Variants in PASD1 observed in about 807,000 individuals in gnomAD.
PASD1 encodes the protein circadian clock protein PASD1.
Under a neutral mutation model 58.8 loss-of-function variants are expected in PASD1, and 13 were observed. The observed-to-expected ratio is 0.22, with a 90% CI of 0.14 to 0.35. The LOEUF (loss-of-function observed/expected upper bound fraction) is 0.35, where lower values mean the gene tolerates loss of function less well. PASD1 is among the 10% of genes least tolerant of loss of function. PASD1 has a pLI of 1.00. For missense variants in PASD1, 734 were observed against 568.3 expected, an observed-to-expected ratio of 1.29 and a Z score of -2.96; for synonymous variants, 236 against 216.7, an observed-to-expected ratio of 1.09 and a Z score of -0.78.
chrX:151,620,860 G>A (rs756893429), intron 4 of PASD1, 70 bp from the exon 5 acceptor site: 6,973 of 622,878 alleles, frequency 0.011, 49 homozygotes, highest in Middle Eastern at 0.031. Flanking sequence ...TATTAACACA[G>A]ATAAAAAAGT....
chrX:151,574,921 G>A (rs1320819324), intron 1 of PASD1, among the ~76,000 whole-genome samples: 1 of 111,763 alleles, frequency 8.9e-6, no homozygotes, highest in Admixed American at 9.5e-5. Context: ...CAAAGTGTTG[G>A]GATTACAGGT....
At chrX:151,592,719 C>T (rs1445601471) in intron 1 of PASD1, among the ~76,000 whole-genome samples, 1 of 111,268 alleles carries the variant, frequency 9.0e-6, no homozygotes, top group Non-Finnish European at 1.9e-5. Context: ...CTAATTTAAT[C>T]CTGTTGTGGT....
intron 6 of PASD1, among the ~76,000 whole-genome samples, chrX:151,622,707 G>A (rs1450070323): frequency 2.7e-5 from 3 of 110,072 alleles, no homozygotes; most frequent in Non-Finnish European, 5.7e-5. Context: ...GGGTAATAAC[G>A]GAAGACTGAA....
chrX:151,585,737 ATATTCATGCTTGAG>A (rs1437856181), intron 1 of PASD1, among the ~76,000 whole-genome samples: 1 of 111,659 alleles, frequency 9.0e-6, no homozygotes, highest in East Asian at 2.8e-4. Flanking sequence ...TAGATTGATG[ATATTCATGCTTGAG>A]TATTTTGTCG....
chrX:151,629,031 A>C (rs28698299), intron 8 of PASD1, among the ~76,000 whole-genome samples: 3,082 of 111,832 alleles, frequency 0.028, 99 homozygotes, highest in African/African-American at 0.094. Flanking sequence ...TGATTTTTGC[A>C]TATTGATTTT....
At chrX:151,647,824 CAT>C (rs1482909889) in intron 8 of PASD1, among the ~76,000 whole-genome samples, 1 of 110,945 alleles carries the variant, frequency 9.0e-6, no homozygotes, top group African/African-American at 3.3e-5. Flanking sequence ...AATCATGTGG[CAT>C]AACCCAGGTT....
chrX:151,609,307 G>A (rs1301837532), intron 3 of PASD1, among the ~76,000 whole-genome samples: 1 of 110,979 alleles, frequency 9.0e-6, no homozygotes, highest in East Asian at 2.8e-4. Context: ...TTTTATTACG[G>A]TAAAATGTAT....
intron 4 of PASD1, among the ~76,000 whole-genome samples, chrX:151,613,534 A>G (rs1027841383): frequency 1.6e-4 from 18 of 109,745 alleles, no homozygotes; most frequent in African/African-American, 5.0e-4. Context: ...GGTCCTTCAC[A>G]TCCCTTGTAA....
chrX:151,592,250 G>A (rs765605451), intron 1 of PASD1, among the ~76,000 whole-genome samples: 1 of 112,199 alleles, frequency 8.9e-6, no homozygotes, highest in African/African-American at 3.2e-5. Context: ...CATTAGTTGG[G>A]AAGATCTGAT....
rs1418345533 is a variant in PASD1 at position 151,623,019 on chromosome X, T to C, written c.501T>C (p.Leu167=). ...FAACVPQEDR[L]YLVGNVCILR... ...CATGTGTTCCTCAGGAGGATCGGCT[T>C]TATCTTGTGGGAAATGTTTGCATTC... The change falls in exon 7 of 16, where the codon CTT becomes CTC. Residue 167 remains leucine, a synonymous_variant. Coordinates refer to ENST00000370357, the MANE Select transcript of PASD1 (RefSeq NM_173493.3). 1 of 1,207,844 alleles carries C rather than the reference T, an allele frequency of 8.3e-7. No individual in the cohort carries two copies. The highest frequency in any genetic ancestry group is 1.1e-6 in the Non-Finnish European group (1 of 893,713).
chrX:151,666,128 G>A (rs1321218351), intron 11 of PASD1, among the ~76,000 whole-genome samples: 1 of 109,624 alleles, frequency 9.1e-6, no homozygotes, highest in African/African-American at 3.3e-5. Context: ...CACAGTATAA[G>A]TCTATTTTTG....
At chrX:151,580,613 A>G (rs1196445339) in intron 1 of PASD1, among the ~76,000 whole-genome samples, 2 of 102,721 alleles carry the variant, frequency 1.9e-5, no homozygotes, top group Non-Finnish European at 3.9e-5. Context: ...GTATATTGTT[A>G]TATCTCAATT....
rs182672947 is a variant in PASD1, at chrX:151,578,916, T to C, written c.-28+15077T>C. Among the ~76,000 whole-genome samples, 598 of 112,068 alleles carry C rather than the reference T, an allele frequency of 5.3e-3. 3 individuals carry two copies. The highest frequency in any genetic ancestry group is 0.014 in the Middle Eastern group (3 of 219). ...AAGAAAAGAGTTTTAGAATATATTATTTGATTTTTTTTCTTTTTTCAGGAT... is the reference window on the plus strand; with the variant it reads ...AAGAAAAGAGTTTTAGAATATATTACTTGATTTTTTTTCTTTTTTCAGGAT... On this transcript the variant is annotated intron_variant, in intron 1 of 15. Transcript: ENST00000370357.
rs577631280 is a variant in PASD1 at position 151,574,964 on chromosome X, T to G, written c.-28+11125T>G. ...ACTGCTCCCAGCCATCACGCACTTTTGTATCTATAAACCAAGGTAAAGATT... is the reference window on the plus strand; with the variant it reads ...ACTGCTCCCAGCCATCACGCACTTTGGTATCTATAAACCAAGGTAAAGATT... On this transcript the variant is annotated intron_variant, in intron 1 of 15. Transcript: ENST00000370357. Among the ~76,000 whole-genome samples the G allele has an allele frequency of 3.7e-4, 42 of 112,004 alleles. No individual in the cohort carries two copies. The South Asian group carries it at 0.016, about 42-fold the overall frequency.
rs747942717 is a variant in PASD1 at position 151,612,662 on chromosome X, C to T, written c.207+909C>T. Among the ~76,000 whole-genome samples the T allele has an allele frequency of 9.8e-3, 1,079 of 110,248 alleles. 18 individuals carry two copies. The highest frequency in any genetic ancestry group is 0.034 in the African/African-American group (1,036 of 30,261). On this transcript the variant is annotated intron_variant, in intron 4 of 15. Transcript: ENST00000370357. Reference sequence around the variant, plus strand: ...ATCCTTCGCCCACTTGTTGATGGGGCTGTTTGTTTTTTTCTTGTAAATTTG... The same window carrying T: ...ATCCTTCGCCCACTTGTTGATGGGGTTGTTTGTTTTTTTCTTGTAAATTTG...
intron 9 of PASD1, among the ~76,000 whole-genome samples, chrX:151,658,660 A>G (rs1413688442): frequency 1.8e-5 from 2 of 112,312 alleles, no homozygotes; most frequent in African/African-American, 6.5e-5. Context: ...ATTAGGGAGT[A>G]TAAAACATAG....
chrX:151,653,664 T>TTTCCTTCC (rs200997692), intron 9 of PASD1, among the ~76,000 whole-genome samples: 3 of 96,255 alleles, frequency 3.1e-5, no homozygotes, highest in South Asian at 5.9e-4. Flanking sequence ...TTCTTCCTTC[T>TTTCCTTCC]TTCCTTCCTT....
chrX:151,652,981 C>T (rs2124299444), intron 9 of PASD1, among the ~76,000 whole-genome samples: 1 of 110,025 alleles, frequency 9.1e-6, no homozygotes, highest in South Asian at 4.0e-4. Flanking sequence ...AGAAGAATGG[C>T]ATGACCTGAC....
intron 10 of PASD1, among the ~76,000 whole-genome samples, chrX:151,661,223 A>G (rs752865459): frequency 8.9e-6 from 1 of 112,315 alleles, no homozygotes; most frequent in Non-Finnish European, 1.9e-5. Context: ...AGAGTTAAGC[A>G]GAAGAATTTA....
Sources: allele counts gnomAD v4.1 joint callset (sites outside exome capture counted in the v4.1 genomes callset), GRCh38; gene constraint gnomAD v4.1.1; transcripts MANE v1.5; gene names NCBI Gene and HGNC (gene_info 2026-07-23, HGNC 2026-07-21).